MAPT: variants seen among roughly 807,000 people sequenced by gnomAD.
The protein encoded by MAPT is microtubule-associated protein tau.
MAPT carries 34 observed loss-of-function variants against 67.9 expected under a neutral mutation model. The ratio of observed to expected loss-of-function variants is 0.50; its 90% confidence interval spans 0.38 to 0.67. MAPT has a LOEUF of 0.67. Ranked by LOEUF, MAPT falls within the 30% of genes least tolerant of loss-of-function variation. MAPT has a pLI of 0.00. For synonymous variants in MAPT, 456 were observed against 464.5 expected (o/e 0.98, Z 0.23); for missense variants, 881 against 1,115.2 (o/e 0.79, Z 2.99).
At chr17:45,993,361 A>G (rs2074226952) in intron 8 of MAPT, among the ~76,000 whole-genome samples, 1 of 150,350 alleles carries the variant, frequency 6.7e-6, no homozygotes, top group Non-Finnish European at 1.5e-5. Context: ...TAGCGTTTGG[A>G]TCCTGCTGTT....
At chr17:45,927,403 G>A (rs1435708523) in intron 1 of MAPT, among the ~76,000 whole-genome samples, 4 of 152,116 alleles carry the variant, frequency 2.6e-5, no homozygotes, top group Non-Finnish European at 4.4e-5. Flanking sequence ...CCCAGAGTCA[G>A]CGTTTCAGGT....
intron 2 of MAPT, 129 bp downstream of exon 2, chr17:45,962,599 C>T (rs1160854327): frequency 3.1e-6 from 4 of 1,286,836 alleles, no homozygotes; most frequent in African/African-American, 1.5e-5. Flanking sequence ...AAAGTAAAGC[C>T]TCATTAATTT....
At chr17:45,946,257 G>A (rs2068468485) in intron 1 of MAPT, among the ~76,000 whole-genome samples, 1 of 152,058 alleles carries the variant, frequency 6.6e-6, no homozygotes, top group African/African-American at 2.4e-5. Context: ...AGCACCATCA[G>A]TTTGTCTCAC....
chr17:45,910,997 C>T (rs574709472), intron 1 of MAPT, among the ~76,000 whole-genome samples: 5 of 152,198 alleles, frequency 3.3e-5, no homozygotes, highest in Non-Finnish European at 7.3e-5. Context: ...TCCTGTAATA[C>T]AAGTTATTTT....
chr17:45,902,483 C>A (rs973101288), intron 1 of MAPT, among the ~76,000 whole-genome samples: 7 of 152,210 alleles, frequency 4.6e-5, no homozygotes, highest in African/African-American at 1.7e-4. Flanking sequence ...AAGAGGCAGT[C>A]CTGACTGCAG....
rs1468733619 is a variant in MAPT at position 45,910,239 on chromosome 17, G to A, written c.-18+15553G>A. ...TCCCCAAATTACTAACAAGTGGATAGTACTTTACAGTTTATATGATCTCAT... is the reference window on the plus strand; with the variant it reads ...TCCCCAAATTACTAACAAGTGGATAATACTTTACAGTTTATATGATCTCAT... On this transcript the variant is annotated intron_variant, in intron 1 of 12. Coordinates refer to ENST00000262410, the MANE Select transcript of MAPT (RefSeq NM_001377265.1). 5.3e-5 allele frequency among the ~76,000 whole-genome samples: 8 copies of A among 152,176 alleles called. No individual in the cohort carries two copies. The South Asian group carries it at 1.0e-3, about 20-fold the overall frequency.
chr17:45,933,047 A>G (rs1293638228), intron 1 of MAPT, among the ~76,000 whole-genome samples: 1 of 152,036 alleles, frequency 6.6e-6, no homozygotes, highest in Non-Finnish European at 1.5e-5. Context: ...GCACCATTGC[A>G]CTCTAGCCCC....
intron 4 of MAPT, 35 bp downstream of exon 4, chr17:45,978,475 G>A (rs918915037): frequency 7.6e-6 from 12 of 1,577,720 alleles, no homozygotes; most frequent in Non-Finnish European, 1.0e-5. Flanking sequence ...ATGACTTGGG[G>A]GTTGGGGGGA....
intron 12 of MAPT, among the ~76,000 whole-genome samples, chr17:46,020,547 A>C (rs2076463903): frequency 6.6e-6 from 1 of 152,190 alleles, no homozygotes; most frequent in South Asian, 2.1e-4. Context: ...TGATGAAGAC[A>C]TACCCGATAC....
chr17:46,016,711 C>T (rs1008800975), intron 11 of MAPT, among the ~76,000 whole-genome samples: 2 of 151,660 alleles, frequency 1.3e-5, no homozygotes, highest in Non-Finnish European at 2.9e-5. Flanking sequence ...GCGGAGCTTG[C>T]AGTGAGCCAA....
intron 2 of MAPT, among the ~76,000 whole-genome samples, chr17:45,965,631 G>A (rs972388414): frequency 2.6e-5 from 4 of 151,672 alleles, no homozygotes; most frequent in East Asian, 2.0e-4. Context: ...GGCCAGGCTC[G>A]TCTGGGACTC....
intron 1 of MAPT, among the ~76,000 whole-genome samples, chr17:45,905,801 C>T (rs1032334575): frequency 1.3e-5 from 2 of 152,234 alleles, no homozygotes; most frequent in Non-Finnish European, 2.9e-5. Flanking sequence ...GGTCTCTCTT[C>T]TGTTCGCATA....
chr17:45,942,111 C>T (rs2068053237), intron 1 of MAPT, among the ~76,000 whole-genome samples: 1 of 152,116 alleles, frequency 6.6e-6, no homozygotes, highest in African/African-American at 2.4e-5. Flanking sequence ...AAAATGTAGA[C>T]ACTAATAAGG....
At chr17:45,992,891 CA>C (rs1187123182) in intron 8 of MAPT, among the ~76,000 whole-genome samples, 32,563 of 85,722 alleles carry the variant, frequency 0.38, 3,385 homozygotes, top group Middle Eastern at 0.49. Flanking sequence ...GATTCCTTCT[CA>C]AAAAAAAAAA....
intron 1 of MAPT, among the ~76,000 whole-genome samples, chr17:45,930,693 A>T (rs113593116): frequency 3.7e-4 from 56 of 152,290 alleles, no homozygotes; most frequent in African/African-American, 1.3e-3. Flanking sequence ...AATTTCTAAG[A>T]TTAGACCCTT....
At chr17:45,985,629 C>G in intron 5 of MAPT, 3 of 980,618 alleles carry the variant, frequency 3.1e-6, no homozygotes, top group Non-Finnish European at 3.6e-6. Flanking sequence ...GTTTCCCAAA[C>G]TTACTTGATT....
chr17:45,994,962 C>T (rs1465984875), intron 8 of MAPT, among the ~76,000 whole-genome samples: 4 of 152,132 alleles, frequency 2.6e-5, no homozygotes, highest in African/African-American at 9.7e-5. Flanking sequence ...GCAGGAGACT[C>T]GCTTGATCCC....
chr17:45,953,189 C>T (rs1031228087), intron 1 of MAPT, among the ~76,000 whole-genome samples: 1 of 152,218 alleles, frequency 6.6e-6, no homozygotes, highest in Non-Finnish European at 1.5e-5. Context: ...TCCTACCTGG[C>T]GAAGCTGTCG....
chr17:45,981,924 A>G (rs1032533163), intron 4 of MAPT, among the ~76,000 whole-genome samples: 22 of 148,300 alleles, frequency 1.5e-4, no homozygotes, highest in Non-Finnish European at 3.0e-5. Context: ...GGAGGGTGAG[A>G]TGGGAGGGTT....
Sources: allele counts gnomAD v4.1 joint callset (sites outside exome capture counted in the v4.1 genomes callset), GRCh38; gene constraint gnomAD v4.1.1; transcripts MANE v1.5; gene names NCBI Gene and HGNC (gene_info 2026-07-23, HGNC 2026-07-21).